HNRNPD: variants seen among roughly 807,000 people sequenced by gnomAD.
The protein encoded by HNRNPD is heterogeneous nuclear ribonucleoprotein D, also known as heterogeneous nuclear ribonucleoprotein D0.
In HNRNPD, 3 loss-of-function variants were observed where a neutral mutation model predicts 47.9. The observed-to-expected ratio is 0.06, with a 90% CI of 0.03 to 0.16. The LOEUF (loss-of-function observed/expected upper bound fraction) is 0.16, where lower values mean the gene tolerates loss of function less well. Among genes scored for constraint, HNRNPD ranks in the 10% least tolerant of loss-of-function variants. The pLI, the probability that HNRNPD is intolerant of heterozygous loss-of-function variation, is 1.00. For synonymous variants in HNRNPD, 171 were observed against 165.1 expected, an observed-to-expected ratio of 1.04 and a Z score of -0.28; for missense variants, 287 against 454.2, an observed-to-expected ratio of 0.63 and a Z score of 3.35.
chr4:82,352,681 T>C lies in HNRNPD; in HGVS notation c.*1504A>G, dbSNP rs1723545694. 1 of 152,172 alleles carries C rather than the reference T, an allele frequency of 6.6e-6. No individual in the cohort carries two copies. Among genetic ancestry groups the C allele is most frequent in the African/African-American group, 2.4e-5 (1 of 41,430 alleles). The allele number at this position is 152,172 out of a possible 1,614,324, so 9.4% of individuals were successfully genotyped here. A position where few individuals can be genotyped will look rare whatever the true frequency, so the allele number is the denominator to read the frequency against. ...CTTTGCAGGTCTCTGTCCTAACTAC[T>C]AAACTCTACCACTGTAACACAAAAG... On this transcript the variant is annotated 3_prime_UTR_variant, in exon 9 of 9. Transcript: ENST00000313899.
At chr4:82,365,915 T>C (rs1207601219) in intron 2 of HNRNPD, among the ~76,000 whole-genome samples, 1 of 151,786 alleles carries the variant, frequency 6.6e-6, no homozygotes, top group Non-Finnish European at 1.5e-5. Flanking sequence ...CAGCCCACTT[T>C]TTTTAACTAT....
chr4:82,362,570 T>C (rs1719522012), intron 2 of HNRNPD, among the ~76,000 whole-genome samples: 1 of 152,214 alleles, frequency 6.6e-6, no homozygotes, highest in African/African-American at 2.4e-5. Context: ...CTTTACTAAA[T>C]GGAACATATT....
At chr4:82,359,214 A>T (rs962761916) in intron 3 of HNRNPD, among the ~76,000 whole-genome samples, 1 of 152,184 alleles carries the variant, frequency 6.6e-6, no homozygotes, top group East Asian at 1.9e-4. Context: ...GCTAAAACAC[A>T]TCCTTTTAAC....
rs1720288716 is a variant in HNRNPD at position 82,373,914 on chromosome 4, GAAT to G, written c.-239_-237del. ...CGCTCTCTCCCGCTGCACTAAAAAA[GAAT>G]AAGCACCAGCGGCGGCCGCTCTCGC... On this transcript the variant is annotated 5_prime_UTR_variant, in exon 1 of 9. Coordinates refer to ENST00000313899, the MANE Select transcript of HNRNPD (RefSeq NM_031370.3). 1 of 1,019,380 alleles carries G rather than the reference GAAT, an allele frequency of 9.8e-7. No homozygotes were observed. Among genetic ancestry groups the G allele is most frequent in the Admixed American group, 3.7e-5 (1 of 27,022 alleles). The allele number at this position is 1,019,380 out of a possible 1,614,324, so 63.1% of individuals were successfully genotyped here. A position where few individuals can be genotyped will look rare whatever the true frequency, so the allele number is the denominator to read the frequency against.
intron 5 of HNRNPD, among the ~76,000 whole-genome samples, 176 bp downstream of exon 5, chr4:82,357,137 C>CA: frequency 6.6e-6 from 1 of 152,286 alleles, no homozygotes; most frequent in African/African-American, 2.4e-5. Flanking sequence ...AAAGCCTAGA[C>CA]AAAAACACTA....
intron 2 of HNRNPD, among the ~76,000 whole-genome samples, chr4:82,360,283 C>G (rs1723906881): frequency 6.6e-6 from 1 of 151,944 alleles, no homozygotes; most frequent in Non-Finnish European, 1.5e-5. Flanking sequence ...CCTCAGTTAA[C>G]CAGCAATAAA....
At chr4:82,363,948 A>C (rs1719617047) in intron 2 of HNRNPD, among the ~76,000 whole-genome samples, 3 of 152,170 alleles carry the variant, frequency 2.0e-5, no homozygotes, top group Admixed American at 6.5e-5. Flanking sequence ...GTTTAGAGGC[A>C]ATAAAGACAA....
At chr4:82,372,995 T>C (rs922752836) in intron 1 of HNRNPD, 12 of 369,586 alleles carry the variant, frequency 3.2e-5, no homozygotes, top group Non-Finnish European at 5.4e-5. Context: ...CGTTTCAGGA[T>C]GGTGGAGAAG....
Position 82,373,925 on chromosome 4 carries a change from A to T in HNRNPD, c.-247T>A. The T allele has an allele frequency of 2.1e-6, 2 of 932,388 alleles. No homozygotes were observed. The highest frequency in any genetic ancestry group is 3.0e-6 in the Non-Finnish European group (2 of 668,718). The allele number at this position is 932,388 out of a possible 1,614,324, so 57.8% of individuals were successfully genotyped here. ...GCTGCACTAAAAAAGAATAAGCACC[A>T]GCGGCGGCCGCTCTCGCCTCCTCCT... is the stretch of plus-strand genomic sequence containing the variant. On this transcript the variant is annotated 5_prime_UTR_variant, in exon 1 of 9. Coordinates refer to ENST00000313899, the MANE Select transcript of HNRNPD (RefSeq NM_031370.3).
At chr4:82,364,945 C>T (rs1159874553) in intron 2 of HNRNPD, among the ~76,000 whole-genome samples, 1 of 152,152 alleles carries the variant, frequency 6.6e-6, no homozygotes, top group Admixed American at 6.5e-5. Context: ...TTCCAAGATA[C>T]CTCCCCTAAT....
chr4:82,373,395 G>C (rs766493152), intron 1 of HNRNPD, 51 bp downstream of exon 1: 33 of 1,521,622 alleles, frequency 2.2e-5, no homozygotes, highest in Non-Finnish European at 2.7e-5. Context: ...GGAATAAAGA[G>C]GGGGAGGGGG....
rs1723720576 is a variant in HNRNPD, at chr4:82,356,557, T to G, written c.980A>C (p.Tyr327Ser). ...GYDYTGYNNYYGYGDYSNQQS... is the reference protein window; with the variant it reads ...GYDYTGYNNYSGYGDYSNQQS... ...CTTACTGCTATAATCACCATATCCA[T>G]AGTAGTTGTTGTAACCAGTGTAGTC... The change falls in exon 7 of 9, where the codon TAT becomes TCT. Residue 327 changes from tyrosine (Y) to serine (S), a missense_variant. This residue lies in a region of HNRNPD where 65 missense variants were observed against 107.1 expected (regional missense o/e 0.61). Coordinates refer to ENST00000313899, the MANE Select transcript of HNRNPD (RefSeq NM_031370.3). The G allele has an allele frequency of 6.2e-7, 1 of 1,608,360 alleles. No homozygotes were observed. Among genetic ancestry groups the G allele is most frequent in the Non-Finnish European group, 8.5e-7 (1 of 1,176,644 alleles).
At chr4:82,363,032 A>ATATGTG (rs1553895786) in intron 2 of HNRNPD, among the ~76,000 whole-genome samples, 128 of 149,038 alleles carry the variant, frequency 8.6e-4, no homozygotes, top group South Asian at 1.9e-3. Flanking sequence ...TTATATATAT[A>ATATGTG]TGTGTGTGTG....
At chr4:82,355,593 G>T (rs1397510886) in intron 7 of HNRNPD, 192 bp from the exon 8 acceptor site, 1 of 577,816 alleles carries the variant, frequency 1.7e-6, no homozygotes, top group Non-Finnish European at 3.0e-6. Context: ...CAGGCATTCA[G>T]AATGAGCTGA....
Position 82,356,433 on chromosome 4 carries a change from T to C in HNRNPD, c.1000+104A>G, listed in dbSNP as rs1404689082. 3 of 898,220 alleles carry C rather than the reference T, an allele frequency of 3.3e-6. No individual in the cohort carries two copies. In the Admixed American group the frequency reaches 7.5e-5, roughly 23 times the overall value. 55.6% of individuals were successfully genotyped at this position (898,220 alleles called of 1,614,324 possible). ...TTCAAGTTTCCAGGAATTTGAAACC[T>C]GAAGACATTTGCACTTGGCAAGGCT... is the stretch of plus-strand genomic sequence containing the variant. On this transcript the variant is annotated intron_variant, in intron 7 of 8. Transcript: ENST00000313899.
rs1334982341 is a variant in HNRNPD, at chr4:82,373,556, C to T, written c.123G>A (p.Ala41=). 9 of 1,533,810 alleles carry T rather than the reference C, an allele frequency of 5.9e-6. No homozygotes were observed. The highest frequency in any genetic ancestry group is 7.9e-6 in the Non-Finnish European group (9 of 1,141,128). ...VAATQGAAAA[A]GSGAGTGGGT... is the part of the protein sequence containing the mutation. The stretch of plus-strand genomic sequence containing the variant: ...CGCCCCCGGTCCCGGCTCCGCTTCC[C>T]GCCGCCGCCGCTGCCCCCTGTGTCG... Residue 41 remains alanine (A), a synonymous_variant, in exon 1 of 9, where the codon GCG becomes GCA. Coordinates refer to ENST00000313899, the MANE Select transcript of HNRNPD (RefSeq NM_031370.3).
At position 82,357,762 on chromosome 4, in the gene HNRNPD, T is replaced by A. The variant is rs2575885; in HGVS notation, c.622-318A>T. 37,285 of 188,404 alleles carry A rather than the reference T, an allele frequency of 0.2. 4,897 individuals are homozygous for A. Among genetic ancestry groups the A allele is most frequent in the East Asian group, 0.59 (4,145 of 7,070 alleles). 11.7% of individuals were successfully genotyped at this position (188,404 alleles called of 1,614,324 possible). On this transcript the variant is annotated intron_variant, in intron 4 of 8. Transcript: ENST00000313899. ...ACAGTCAAATCTAAGAAAAACAGAA[T>A]AAAAATGTATTTGAGAGAAAACAGG...
chr4:82,356,363 G>A, intron 7 of HNRNPD, 174 bp downstream of exon 7: 1 of 587,706 alleles, frequency 1.7e-6, no homozygotes, highest in Admixed American at 3.0e-5. Flanking sequence ...TATAATGTGT[G>A]TGTGATATAG....
intron 2 of HNRNPD, among the ~76,000 whole-genome samples, chr4:82,364,668 T>C (rs530973577): frequency 6.6e-6 from 1 of 152,246 alleles, no homozygotes; most frequent in Non-Finnish European, 1.5e-5. Context: ...AAAAAATATA[T>C]AAACTAAAAA....
Sources: allele counts gnomAD v4.1 joint callset (sites outside exome capture counted in the v4.1 genomes callset), GRCh38; gene constraint gnomAD v4.1.1; regional missense constraint gnomAD v4.1.1; transcripts MANE v1.5; gene names NCBI Gene and HGNC (gene_info 2026-07-23, HGNC 2026-07-21).